Variants in UNK observed in about 807,000 individuals in gnomAD.
UNK encodes the protein unk zinc finger.
In UNK, 32 loss-of-function variants were observed where a neutral mutation model predicts 97.6. The ratio of observed to expected loss-of-function variants is 0.33; its 90% confidence interval spans 0.25 to 0.44. UNK has a LOEUF of 0.44. UNK is among the 20% of genes least tolerant of loss of function. The pLI is 1.00. For synonymous variants in UNK, 441 were observed against 461.2 expected, an observed-to-expected ratio of 0.96 and a Z score of 0.56; for missense variants, 771 against 1,098.4, an observed-to-expected ratio of 0.70 and a Z score of 4.21.
rs146767660 is a variant in UNK, at chr17:75,793,111, A to G, written c.104+8127A>G. On this transcript the variant is annotated intron_variant, in intron 1 of 15. Transcript: ENST00000589666. Reference sequence around the variant, plus strand: ...AGTTTGAGACTCTTAGGTGCTGGTAATTATACTTTACCTTGTCTCCAACTT... The same window carrying G: ...AGTTTGAGACTCTTAGGTGCTGGTAGTTATACTTTACCTTGTCTCCAACTT... Among the ~76,000 whole-genome samples, 346 of 152,328 alleles carry G rather than the reference A, an allele frequency of 2.3e-3. 3 individuals carry two copies. Among genetic ancestry groups the G allele is most frequent in the African/African-American group, 8.0e-3 (332 of 41,574 alleles).
At position 75,824,492 on chromosome 17, in the gene UNK, A is replaced by G. The variant is rs1281424796; in HGVS notation, c.*75A>G. 3.2e-6 allele frequency: 3 copies of G among 944,400 alleles called. No homozygotes were observed. The highest frequency in any genetic ancestry group is 3.9e-5 in the East Asian group (1 of 25,520). The allele number at this position is 944,400 out of a possible 1,614,324, so 58.5% of individuals were successfully genotyped here. A position where few individuals can be genotyped will look rare whatever the true frequency, so the allele number is the denominator to read the frequency against. ...TTAAAGTATATATATATATATGAAT[A>G]TATATATATATGTGTATGTATGTAT... On this transcript the variant is annotated 3_prime_UTR_variant, in exon 16 of 16. Coordinates refer to ENST00000589666, the MANE Select transcript of UNK (RefSeq NM_001080419.3). This position sits in a 1 kb window ranked among gnomAD's most constrained non-coding sequence, Gnocchi z 4.9.
rs1599353096 is a variant in UNK, at chr17:75,787,057, A to G, written c.104+2073A>G. Among the ~76,000 whole-genome samples, 6 of 152,146 alleles carry G rather than the reference A, an allele frequency of 3.9e-5. No homozygotes were observed. The South Asian group carries it at 1.2e-3, about 32-fold the overall frequency. ...GTGTGTTTTTATATTTGTATTTCCA[A>G]AAATCAGAGATAGAAATCAGTGGTC... On this transcript the variant is annotated intron_variant, in intron 1 of 15. Transcript: ENST00000589666.
rs746891389 is a variant in UNK at position 75,818,012 on chromosome 17, C to G, written c.1306-91C>G. On this transcript the variant is annotated intron_variant, in intron 9 of 15. Coordinates refer to ENST00000589666, the MANE Select transcript of UNK (RefSeq NM_001080419.3). The surrounding 1 kb of genome is among the most constrained non-coding windows in gnomAD (Gnocchi z 5.1). ...AAGAGGGGTTGCATGTCTGCCACCACCTGCCCCCTGGTACCTGCAGCCTCA... is the reference window on the plus strand; with the variant it reads ...AAGAGGGGTTGCATGTCTGCCACCAGCTGCCCCCTGGTACCTGCAGCCTCA... 7.7e-6 allele frequency: 10 copies of G among 1,307,064 alleles called. No homozygotes were observed. Among genetic ancestry groups the G allele is most frequent in the East Asian group, 2.3e-5 (1 of 42,916 alleles). The allele number at this position is 1,307,064 out of a possible 1,614,324, so 81.0% of individuals were successfully genotyped here. A position where few individuals can be genotyped will look rare whatever the true frequency, so the allele number is the denominator to read the frequency against.
chr17:75,802,791 G>A (rs1197182918), intron 1 of UNK, among the ~76,000 whole-genome samples: 1 of 152,128 alleles, frequency 6.6e-6, no homozygotes, highest in Non-Finnish European at 1.5e-5. Context: ...CAGGAACAGT[G>A]TCTCAAAATG....
At chr17:75,811,347 C>T (rs774675086) in intron 2 of UNK, among the ~76,000 whole-genome samples, 19 of 152,238 alleles carry the variant, frequency 1.2e-4, no homozygotes, top group South Asian at 1.0e-3. Flanking sequence ...TCAAATGATC[C>T]TCTTGCCTTG....
chr17:75,793,049 A>G (rs2061776078), intron 1 of UNK, among the ~76,000 whole-genome samples: 1 of 152,166 alleles, frequency 6.6e-6, no homozygotes, highest in South Asian at 2.1e-4. Context: ...AAGTCTGTGG[A>G]GATGTTTTGA....
rs769319465 is a variant in UNK at position 75,818,794 on chromosome 17, C to T, written c.1524C>T (p.Ser508=). 38 of 1,608,698 alleles carry T rather than the reference C, an allele frequency of 2.4e-5. No individual in the cohort carries two copies. The highest frequency in any genetic ancestry group is 1.6e-4 in the Middle Eastern group (1 of 6,074). ...NANALPFYPT[S]DTVESVIESA... ...ACGCTCTGCCCTTCTACCCCACCAGCGACACGGTAGAGTCAGTCATAGGTA... is the reference window on the plus strand; with the variant it reads ...ACGCTCTGCCCTTCTACCCCACCAGTGACACGGTAGAGTCAGTCATAGGTA... The change falls in exon 11 of 16, where the codon AGC becomes AGT. Residue 508 remains serine, a synonymous_variant. Transcript: ENST00000589666. This position sits in a 1 kb window ranked among gnomAD's most constrained non-coding sequence, Gnocchi z 5.1.
chr17:75,820,029 T>C lies in UNK; in HGVS notation c.1758T>C (p.His586=). ...SPSPPVSLSS[H]FLQQPQGHLS... ...CCCCTCCCGTCAGCCTCTCCTCGCA[T>C]TTCCTGCAGCAGCCCCAGGGCCACC... The change falls in exon 13 of 16, where the codon CAT becomes CAC. Residue 586 remains histidine (H), a synonymous_variant. Transcript: ENST00000589666. 5 of 1,613,898 alleles carry C rather than the reference T, an allele frequency of 3.1e-6. No homozygotes were observed. Among genetic ancestry groups the C allele is most frequent in the Non-Finnish European group, 4.2e-6 (5 of 1,179,888 alleles).
intron 1 of UNK, among the ~76,000 whole-genome samples, chr17:75,805,810 ATGTGTGTGTGTGTGTGTGTGTG>A (rs61000364): frequency 1.4e-5 from 2 of 145,294 alleles, no homozygotes; most frequent in Non-Finnish European, 3.0e-5. Flanking sequence ...AAAAAGAAAA[ATGTGTGTGTGTGTGTGTGTGTG>A]TGTGTGTGTG....
Position 75,817,351 on chromosome 17 carries a change from G to C in UNK, c.1130G>C (p.Gly377Ala), listed in dbSNP as rs754393636. The C allele has an allele frequency of 1.1e-5, 18 of 1,598,058 alleles. No homozygotes were observed. Among genetic ancestry groups the C allele is most frequent in the Non-Finnish European group, 1.4e-5 (16 of 1,170,448 alleles). ...CTCCTCTGTAGAAACAGCAGCCTAG[G>C]CAGCCCGTCTAACCTCTGCGGCTCC... ...SALLCRNSSL[G>A]SPSNLCGSPP... The change falls in exon 9 of 16, where the codon GGC becomes GCC. Residue 377 changes from glycine (G) to alanine (A), a missense_variant. Around this residue, in one of 5 missense-constraint regions of UNK, gnomAD observed 192 missense variants for 202.4 expected, o/e 0.95. Transcript: ENST00000589666. The surrounding 1 kb of genome is among the most constrained non-coding windows in gnomAD (Gnocchi z 5.8).
At position 75,822,547 on chromosome 17, in the gene UNK, C is replaced by T. The variant is rs148445901; in HGVS notation, c.1908C>T (p.Pro636=). 7,697 of 1,613,630 alleles carry T rather than the reference C, an allele frequency of 4.8e-3. 20 individuals carry two copies. The highest frequency in any genetic ancestry group is 6.4e-3 in the Middle Eastern group (39 of 6,062). Residue 636 remains proline (P), a synonymous_variant, in exon 14 of 16, where the codon CCC becomes CCT. Transcript: ENST00000589666. ...ASGSFSPGTS[P]AFLSGPGAAE... The stretch of plus-strand genomic sequence containing the variant: ...GAAGCTTCTCCCCGGGCACTTCCCC[C>T]GCTTTCCTATCAGGGCCAGGGGCTG...
rs2062103213 is a variant in UNK at position 75,824,734 on chromosome 17, C to G, written c.*317C>G. The G allele has an allele frequency of 6.4e-6, 1 of 155,696 alleles. No homozygotes were observed. The highest frequency in any genetic ancestry group is 6.5e-5 in the Admixed American group (1 of 15,402). The allele number at this position is 155,696 out of a possible 1,614,324, so 9.6% of individuals were successfully genotyped here. A position where few individuals can be genotyped will look rare whatever the true frequency, so the allele number is the denominator to read the frequency against. On this transcript the variant is annotated 3_prime_UTR_variant, in exon 16 of 16. Transcript: ENST00000589666. This position sits in a 1 kb window ranked among gnomAD's most constrained non-coding sequence, Gnocchi z 4.9. ...TACCCACTCCCTGCCCTTCCCACTGCAGAGATGACATCCCCTCTTCTCCCA... is the reference window on the plus strand; with the variant it reads ...TACCCACTCCCTGCCCTTCCCACTGGAGAGATGACATCCCCTCTTCTCCCA...
At chr17:75,821,363 G>A (rs149637989) in intron 13 of UNK, 357 of 456,406 alleles carry the variant, frequency 7.8e-4, no homozygotes, top group African/African-American at 6.2e-3. Context: ...AAGCAGAGGT[G>A]CCCAGCCATT....
intron 1 of UNK, among the ~76,000 whole-genome samples, chr17:75,804,867 A>G (rs1302049925): frequency 2.0e-5 from 3 of 150,050 alleles, no homozygotes; most frequent in African/African-American, 4.9e-5. Flanking sequence ...GAATTCTACA[A>G]TTGTCATCTA....
Position 75,824,338 on chromosome 17 carries a change from C to T in UNK, c.2354C>T (p.Ala785Val). 6 of 1,603,270 alleles carry T rather than the reference C, an allele frequency of 3.7e-6. No homozygotes were observed. The highest frequency in any genetic ancestry group is 5.1e-6 in the Non-Finnish European group (6 of 1,176,564). ...CGGGCAGTGCTGCCGTGCCAACACG[C>T]TGCGCTGTGTGAGCTCTGCGCTGAG... ...QKRAVLPCQHAALCELCAEGS... is the reference protein window; with the variant it reads ...QKRAVLPCQHVALCELCAEGS... Residue 785 changes from alanine (A) to valine (V), a missense_variant, in exon 16 of 16, where the codon GCT becomes GTT. Ala to Val is a moderately conservative substitution (Grantham distance 64). Around this residue, in one of 5 missense-constraint regions of UNK, gnomAD observed 208 missense variants for 257.4 expected, o/e 0.81. Transcript: ENST00000589666. The surrounding 1 kb of genome is among the most constrained non-coding windows in gnomAD (Gnocchi z 4.9).
chr17:75,794,466 G>A lies in UNK; in HGVS notation c.104+9482G>A, dbSNP rs533982683. ...AGCCTGGCCAACATAGTGAAACCCC[G>A]TCTCTACTAAAAATACAAAAAACTA... is the stretch of plus-strand genomic sequence containing the variant. On this transcript the variant is annotated intron_variant, in intron 1 of 15. Transcript: ENST00000589666. Among the ~76,000 whole-genome samples, 48 of 152,048 alleles carry A rather than the reference G, an allele frequency of 3.2e-4. 1 individual carries two copies. In the South Asian group the frequency reaches 9.8e-3, roughly 31 times the overall value.
At chr17:75,810,011 T>C (rs1427955486) in intron 2 of UNK, 42 bp downstream of exon 2, 1 of 1,607,554 alleles carries the variant, frequency 6.2e-7, no homozygotes, top group Non-Finnish European at 8.5e-7. Flanking sequence ...CCGTGTCTCC[T>C]TCTGGGTCAG....
At chr17:75,823,547 G>T in intron 15 of UNK, 25 bp downstream of exon 15, 1 of 1,515,844 alleles carries the variant, frequency 6.6e-7, no homozygotes, top group Non-Finnish European at 8.9e-7. Flanking sequence ...GGGAGCACTG[G>T]GTGGGATGCA....
intron 1 of UNK, chr17:75,794,243 T>TA: frequency 7.8e-6 from 7 of 895,180 alleles, no homozygotes; most frequent in Non-Finnish European, 9.4e-6. Context: ...GTATTGTAGT[T>TA]ATGGCCTGTC....
Sources: allele counts gnomAD v4.1 joint callset (sites outside exome capture counted in the v4.1 genomes callset), GRCh38; gene constraint gnomAD v4.1.1; regional missense constraint gnomAD v4.1.1; non-coding constraint Gnocchi (gnomAD v3.1); transcripts MANE v1.5; gene names NCBI Gene and HGNC (gene_info 2026-07-23, HGNC 2026-07-21).